Variants in MAP3K13 observed in about 807,000 individuals in gnomAD.
The protein encoded by MAP3K13 is leucine zipper-bearing kinase.
MAP3K13 carries 52 observed loss-of-function variants against 104.0 expected under a neutral mutation model. The ratio of observed to expected loss-of-function variants is 0.50; its 90% CI spans 0.40 to 0.63. The LOEUF is 0.63. MAP3K13 is among the 20% of genes least tolerant of loss of function. The probability of loss-of-function intolerance (pLI) is 0.00; values close to 1 mark genes in which losing one functional copy is unlikely to be tolerated. For missense variants in MAP3K13, 914 were observed against 1,218.5 expected (o/e 0.75, Z 3.72); for synonymous variants, 394 against 442.2 (o/e 0.89, Z 1.37).
chr3:185,291,482 T>C, intron 2 of MAP3K13: 4 of 869,670 alleles, frequency 4.6e-6, no homozygotes, highest in Non-Finnish European at 6.5e-6. Context: ...TTTTTGATTT[T>C]CTCCTTTTGT....
chr3:185,363,203 C>A lies in MAP3K13; in HGVS notation c.-251C>A. The A allele has an allele frequency of 1.0e-6, 1 of 985,328 alleles. No homozygotes were observed. The highest frequency in any genetic ancestry group is 1.2e-6 in the Non-Finnish European group (1 of 829,924). The allele number at this position is 985,328 out of a possible 1,614,324, so 61.0% of individuals were successfully genotyped here. On this transcript the variant is annotated 5_prime_UTR_variant, in exon 1 of 14. In the 5' UTR this introduces an upstream ATG that the reference lacks. Coordinates refer to ENST00000265026, the MANE Select transcript of MAP3K13 (RefSeq NM_004721.5). ...GCCCAATTTACATCCATTCATGAAT[C>A]TGTGACGTCAGCAAGCCTTTGGGCT...
chr3:185,304,670 G>A (rs947957132), intron 2 of MAP3K13, among the ~76,000 whole-genome samples: 9 of 151,852 alleles, frequency 5.9e-5, no homozygotes, highest in Admixed American at 5.3e-4. Context: ...GTCTCTCATT[G>A]TCACCCAGGC....
intron 1 of MAP3K13, among the ~76,000 whole-genome samples, chr3:185,375,873 G>A (rs1355866355): frequency 1.3e-5 from 2 of 152,198 alleles, no homozygotes; most frequent in African/African-American, 4.8e-5. Flanking sequence ...GCATGGTGGT[G>A]CAGGATGTGA....
intron 1 of MAP3K13, among the ~76,000 whole-genome samples, chr3:185,409,228 C>T (rs990384096): frequency 2.0e-5 from 3 of 152,048 alleles, no homozygotes; most frequent in East Asian, 1.9e-4. Context: ...ATTAGCCAGG[C>T]GTGGTGGTGT....
At chr3:185,455,081 GAGAT>G (rs1235782151) in intron 7 of MAP3K13, among the ~76,000 whole-genome samples, 1 of 109,680 alleles carries the variant, frequency 9.1e-6, no homozygotes, top group Non-Finnish European at 1.7e-5. Flanking sequence ...AGATATATGT[GAGAT>G]ATATATATGA....
rs187039762 is a variant in MAP3K13 at position 185,409,774 on chromosome 3, T to G, written c.-85-18723T>G. Among the ~76,000 whole-genome samples, 7 of 152,364 alleles carry G rather than the reference T, an allele frequency of 4.6e-5. No homozygotes were observed. In the East Asian group the frequency reaches 9.6e-4, roughly 21 times the overall value. Reference sequence around the variant, plus strand: ...GAATGGATAAAGAAAATGTGGTATATGTACACAATTGAATACTATTCAGCC... The same window carrying G: ...GAATGGATAAAGAAAATGTGGTATAGGTACACAATTGAATACTATTCAGCC... On this transcript the variant is annotated intron_variant, in intron 1 of 13. Transcript: ENST00000265026.
chr3:185,382,705 A>T (rs564535835), intron 1 of MAP3K13, among the ~76,000 whole-genome samples: 2 of 152,154 alleles, frequency 1.3e-5, no homozygotes, highest in East Asian at 1.9e-4. Flanking sequence ...GCTGGTTGTT[A>T]AAAAAGAGCC....
At chr3:185,357,447 T>TAAA (rs71162295) in intron 2 of MAP3K13, among the ~76,000 whole-genome samples, 67 of 91,338 alleles carry the variant, frequency 7.3e-4, no homozygotes, top group Middle Eastern at 5.7e-3. Context: ...AAACTCCATC[T>TAAA]AAAAAAAAAA....
At chr3:185,329,649 C>T (rs1355841537) in intron 2 of MAP3K13, among the ~76,000 whole-genome samples, 1 of 152,164 alleles carries the variant, frequency 6.6e-6, no homozygotes, top group South Asian at 2.1e-4. Context: ...AAATGAGTTT[C>T]ATATATGAAA....
intron 2 of MAP3K13, among the ~76,000 whole-genome samples, chr3:185,345,049 G>T (rs2108725265): frequency 6.6e-6 from 1 of 152,170 alleles, no homozygotes; most frequent in Non-Finnish European, 1.5e-5. Context: ...TGTTAGTAAA[G>T]ACAGGGTTTC....
chr3:185,448,114 A>AT (rs762725376), intron 5 of MAP3K13, 167 bp downstream of exon 5: 1 of 826,938 alleles, frequency 1.2e-6, no homozygotes, highest in South Asian at 1.4e-5. Flanking sequence ...ATGGTGATAT[A>AT]TGGGGAGAAG....
Position 185,485,065 on chromosome 3 carries a change from C to T in MAP3K13, c.*2609C>T, listed in dbSNP as rs1045075859. 2 of 151,936 alleles carry T rather than the reference C, an allele frequency of 1.3e-5. No homozygotes were observed. The highest frequency in any genetic ancestry group is 2.1e-4 in the South Asian group (1 of 4,812). 9.4% of individuals were successfully genotyped at this position (151,936 alleles called of 1,614,324 possible). On this transcript the variant is annotated 3_prime_UTR_variant, in exon 14 of 14. Transcript: ENST00000265026. ...TGATCATGAAAGCTCCTGGGTGGGCCGATGACCCCCAGGATGTCAAATAGT... is the reference window on the plus strand; with the variant it reads ...TGATCATGAAAGCTCCTGGGTGGGCTGATGACCCCCAGGATGTCAAATAGT...
intron 1 of MAP3K13, among the ~76,000 whole-genome samples, chr3:185,363,805 A>G (rs1560066520): frequency 6.6e-6 from 1 of 152,094 alleles, no homozygotes; most frequent in Non-Finnish European, 1.5e-5. Flanking sequence ...GCCGTTCCTC[A>G]CCCTTCACCT....
intron 2 of MAP3K13, among the ~76,000 whole-genome samples, chr3:185,287,241 A>T (rs1434238229): frequency 6.6e-6 from 1 of 152,184 alleles, no homozygotes; most frequent in Non-Finnish European, 1.5e-5. Flanking sequence ...GCAGTGGCAT[A>T]GTTCTGAACT....
intron 1 of MAP3K13, among the ~76,000 whole-genome samples, chr3:185,376,213 G>A (rs981402169): frequency 3.3e-5 from 5 of 152,118 alleles, no homozygotes; most frequent in South Asian, 2.1e-4. Flanking sequence ...AATGAAGTCC[G>A]GGCCAGGAAC....
At chr3:185,381,537 G>C (rs1724721576) in intron 1 of MAP3K13, among the ~76,000 whole-genome samples, 1 of 152,178 alleles carries the variant, frequency 6.6e-6, no homozygotes, top group African/African-American at 2.4e-5. Flanking sequence ...ACAAGATGAG[G>C]CTCTGCCTTC....
intron 2 of MAP3K13, among the ~76,000 whole-genome samples, chr3:185,307,020 C>T (rs989693009): frequency 3.3e-5 from 5 of 152,180 alleles, no homozygotes; most frequent in Non-Finnish European, 7.3e-5. Context: ...ACCACTCTCT[C>T]GTCTGCAGTG....
rs564359619 is a variant in MAP3K13 at position 185,352,450 on chromosome 3, G to GA, written c.-86+66817dup. On this transcript the variant is annotated intron_variant, in intron 2 of 14. Transcript: ENST00000424227. The stretch of plus-strand genomic sequence containing the variant: ...CAAGAGCAAAACTCTGTCTAAAAAA[G>GA]AAAAAAAAAAGAAAAAAAGTAGGAG... Among the ~76,000 whole-genome samples, 481 of 142,960 alleles carry GA rather than the reference G, an allele frequency of 3.4e-3. 2 individuals are homozygous for GA. Among genetic ancestry groups the GA allele is most frequent in the African/African-American group, 0.011 (429 of 38,576 alleles). 93.8% of individuals were successfully genotyped at this position (142,960 alleles called of 152,430 possible). A position where few individuals can be genotyped will look rare whatever the true frequency, so the allele number is the denominator to read the frequency against.
chr3:185,349,316 G>A (rs572059209), intron 2 of MAP3K13, among the ~76,000 whole-genome samples: 7 of 151,770 alleles, frequency 4.6e-5, no homozygotes, highest in Non-Finnish European at 8.8e-5. Context: ...CCATCTTTAC[G>A]TACATGTGTC....
Sources: gnomAD v4.1 joint callset for allele counts (sites outside exome capture counted in the v4.1 genomes callset) on GRCh38, gnomAD v4.1.1 for gene constraint, MANE v1.5 for transcripts, NCBI Gene and HGNC (gene_info 2026-07-23, HGNC 2026-07-21) for gene names.